Variants in YTHDC1 observed in about 807,000 individuals in gnomAD.
YTHDC1 encodes the protein YTH N6-methyladenosine RNA binding protein C1, also known as YTH domain-containing protein 1.
Under a neutral mutation model 107.0 loss-of-function variants are expected in YTHDC1, and 12 were observed. The observed-to-expected ratio is 0.11, with a 90% CI of 0.07 to 0.18. The LOEUF (loss-of-function observed/expected upper bound fraction) is 0.18. YTHDC1 is among the 10% of genes least tolerant of loss of function. The pLI is 1.00. For synonymous variants in YTHDC1, 280 were observed against 289.5 expected (o/e 0.97, Z 0.33); for missense variants, 635 against 898.8 (o/e 0.71, Z 3.75).
intron 15 of YTHDC1, 94 bp downstream of exon 15, chr4:68,318,425 T>TG (rs1464503789): frequency 2.9e-4 from 368 of 1,268,840 alleles, no homozygotes; most frequent in Middle Eastern, 1.9e-3. Context: ...GTCTCTTTAA[T>TG]GAGTAACTGT....
At chr4:68,338,475 T>C (rs1209548451) in intron 1 of YTHDC1, 91 bp from the exon 2 acceptor site, 4 of 814,780 alleles carry the variant, frequency 4.9e-6, no homozygotes, top group Non-Finnish European at 7.5e-6. Context: ...CACAAGCGCC[T>C]AGGAGCTTTT....
In YTHDC1 at chr4:68,337,617, C is replaced by T. The variant is rs775151524; in HGVS notation, c.414G>A (p.Arg138=). The T allele has an allele frequency of 4.3e-6, 7 of 1,612,568 alleles. No homozygotes were observed. In the East Asian group the frequency reaches 1.6e-4, roughly 36 times the overall value. Residue 138 remains arginine, a synonymous_variant, in exon 3 of 17, where the codon AGG becomes AGA. Transcript: ENST00000344157. The part of the protein sequence containing the change: ...NQPEKTCVRK[R]DPERRAKSPT... Reference sequence around the variant, plus strand: ...GAGATTTGGCCCTCCTTTCAGGATCCCTTTTCCGGACACAGGTTTTTTCAG... The same window carrying T: ...GAGATTTGGCCCTCCTTTCAGGATCTCTTTTCCGGACACAGGTTTTTTCAG...
At position 68,313,122 on chromosome 4, in the gene YTHDC1, A is replaced by C. The variant is rs904576759; in HGVS notation, c.*977T>G. Reference sequence around the variant, plus strand: ...GTATAAATACTTAACCAAATTATTAACATAACTCTGTGTATCTTATGTTAG... The same window carrying C: ...GTATAAATACTTAACCAAATTATTACCATAACTCTGTGTATCTTATGTTAG... On this transcript the variant is annotated 3_prime_UTR_variant, in exon 17 of 17. Transcript: ENST00000344157. 7.2e-5 allele frequency: 11 copies of C among 152,354 alleles called. No individual in the cohort carries two copies. The highest frequency in any genetic ancestry group is 2.6e-4 in the African/African-American group (11 of 41,586). 9.4% of individuals were successfully genotyped at this position (152,354 alleles called of 1,614,324 possible). A position where few individuals can be genotyped will look rare whatever the true frequency, so the allele number is the denominator to read the frequency against.
chr4:68,329,917 C>T, intron 9 of YTHDC1, 85 bp downstream of exon 9: 1 of 984,054 alleles, frequency 1.0e-6, no homozygotes, highest in Non-Finnish European at 1.6e-6. Context: ...GATAAGTATA[C>T]AGTGACTTTT....
intron 9 of YTHDC1, among the ~76,000 whole-genome samples, chr4:68,325,391 C>T (rs897854736): frequency 6.6e-6 from 1 of 151,948 alleles, no homozygotes; most frequent in African/African-American, 2.4e-5. Context: ...CAGGTAAAGC[C>T]TTATGTAGAG....
intron 4 of YTHDC1, 108 bp downstream of exon 4, chr4:68,336,918 TC>T: frequency 7.3e-7 from 1 of 1,369,778 alleles, no homozygotes; most frequent in Non-Finnish European, 9.7e-7. Context: ...CACAAGACAA[TC>T]CTATTAATAT....
chr4:68,345,776 A>G (rs953903729), intron 1 of YTHDC1, among the ~76,000 whole-genome samples: 2 of 152,134 alleles, frequency 1.3e-5, no homozygotes, highest in Non-Finnish European at 2.9e-5. Flanking sequence ...GGGCCATAGT[A>G]TATACACATA....
chr4:68,318,379 A>C, intron 15 of YTHDC1, 140 bp downstream of exon 15: 13 of 746,876 alleles, frequency 1.7e-5, no homozygotes, highest in Non-Finnish European at 2.6e-5. Context: ...AAGTGCTGGG[A>C]CTGCAGGTGT....
At chr4:68,316,272 TC>T in intron 16 of YTHDC1, 41 bp downstream of exon 16, 1 of 1,581,592 alleles carries the variant, frequency 6.3e-7, no homozygotes, top group South Asian at 1.2e-5. Context: ...CCTACAGAAT[TC>T]TAAGTAGTTC....
At chr4:68,339,454 T>C (rs1453847268) in intron 1 of YTHDC1, among the ~76,000 whole-genome samples, 2 of 152,186 alleles carry the variant, frequency 1.3e-5, no homozygotes, top group African/African-American at 4.8e-5. Context: ...AGTTTGTAAA[T>C]CAGAGTAAGT....
rs765175368 is a variant in YTHDC1 at position 68,318,789 on chromosome 4, T to C, written c.1721+37A>G. 6 of 1,614,136 alleles carry C rather than the reference T, an allele frequency of 3.7e-6. No individual in the cohort carries two copies. The South Asian group carries it at 4.4e-5, about 12-fold the overall frequency. On this transcript the variant is annotated intron_variant, in intron 13 of 16. Transcript: ENST00000344157. ...GTAATTCATAAACTAGTTCCAAGAA[T>C]GTAATTCAAAACTAGGCAAGAGTGA...
In YTHDC1 at chr4:68,312,767, A is replaced by C. The variant is rs1195845120; in HGVS notation, c.*1332T>G. The C allele has an allele frequency of 1.3e-5, 2 of 152,198 alleles. No homozygotes were observed. Among genetic ancestry groups the C allele is most frequent in the Non-Finnish European group, 2.9e-5 (2 of 68,026 alleles). The allele number at this position is 152,198 out of a possible 1,614,324, so 9.4% of individuals were successfully genotyped here. A position where few individuals can be genotyped will look rare whatever the true frequency, so the allele number is the denominator to read the frequency against. On this transcript the variant is annotated 3_prime_UTR_variant, in exon 17 of 17. Transcript: ENST00000344157. The stretch of plus-strand genomic sequence containing the variant: ...ACACAGTACAACTGTTGATACTATA[A>C]AAAAATCAAACATTCAAATATTCCT...
In YTHDC1 at chr4:68,337,210, C is replaced by T; in HGVS notation, c.700G>A (p.Glu234Lys). Residue 234 changes from glutamate (E) to lysine (K), a missense_variant, in exon 4 of 17, where the codon GAA becomes AAA. Around this residue, in one of 5 missense-constraint regions of YTHDC1, gnomAD observed 294 missense variants for 312.3 expected, o/e 0.94. Transcript: ENST00000344157. ...EVDEDGEEEE[E>K]EEEEEEEEEE... ...TCCTCCTCTTCCTCCTCCTCCTCTT[C>T]CTCCTCCTCCTCTCCATCTTCATCC... is the stretch of plus-strand genomic sequence containing the variant. 2 of 1,576,130 alleles carry T rather than the reference C, an allele frequency of 1.3e-6. No individual in the cohort carries two copies. Among genetic ancestry groups the T allele is most frequent in the Non-Finnish European group, 1.7e-6 (2 of 1,147,276 alleles).
At chr4:68,335,333 T>G (rs572584951) in intron 4 of YTHDC1, among the ~76,000 whole-genome samples, 62 of 152,280 alleles carry the variant, frequency 4.1e-4, no homozygotes, top group African/African-American at 1.5e-3. Context: ...CTAAAGCATG[T>G]TCCACATAAG....
chr4:68,330,538 A>G (rs1723455842), intron 7 of YTHDC1, among the ~76,000 whole-genome samples: 1 of 152,178 alleles, frequency 6.6e-6, no homozygotes, highest in African/African-American at 2.4e-5. Context: ...TAAAGCAAGT[A>G]GTAAATAGAT....
At chr4:68,323,455 T>C (rs1722649522) in intron 10 of YTHDC1, among the ~76,000 whole-genome samples, 2 of 152,172 alleles carry the variant, frequency 1.3e-5, no homozygotes, top group Admixed American at 6.5e-5. Flanking sequence ...TGGCCAGGCA[T>C]AGTGGCTCAT....
At chr4:68,318,944 G>A (rs745488298) in intron 12 of YTHDC1, 82 bp from the exon 13 acceptor site, 17 of 1,407,444 alleles carry the variant, frequency 1.2e-5, no homozygotes, top group African/African-American at 5.7e-5. Flanking sequence ...CTTACCACTC[G>A]TTTCAATTCT....
intron 1 of YTHDC1, among the ~76,000 whole-genome samples, 169 bp downstream of exon 1, chr4:68,349,557 G>C (rs1035893065): frequency 1.3e-5 from 2 of 152,066 alleles, no homozygotes; most frequent in Admixed American, 6.6e-5. Context: ...CGAAAGGGCA[G>C]GCCTGGTCTC....
chr4:68,320,622 T>C (rs1324792062), intron 11 of YTHDC1, among the ~76,000 whole-genome samples: 2 of 152,240 alleles, frequency 1.3e-5, no homozygotes, highest in African/African-American at 2.4e-5. Flanking sequence ...TTGTACAATA[T>C]GTAACTCTAA....
Sources: allele counts gnomAD v4.1 joint callset (sites outside exome capture counted in the v4.1 genomes callset), GRCh38; gene constraint gnomAD v4.1.1; regional missense constraint gnomAD v4.1.1; transcripts MANE v1.5; gene names NCBI Gene and HGNC (gene_info 2026-07-23, HGNC 2026-07-21).